Variants in DGKG observed in about 807,000 individuals in gnomAD.
DGKG encodes DAG kinase gamma.
DGKG carries 78 observed loss-of-function variants against 105.3 expected under a neutral mutation model. The ratio of observed to expected loss-of-function variants is 0.74; its 90% CI spans 0.62 to 0.89. The LOEUF is 0.89. Among genes scored for constraint, DGKG ranks in the 40% least tolerant of loss-of-function variants. The pLI is 0.00. For synonymous variants in DGKG, 346 were observed against 367.1 expected (o/e 0.94, Z 0.66); for missense variants, 958 against 1,020.1 (o/e 0.94, Z 0.83).
At chr3:186,288,611 G>T in intron 6 of DGKG, 99 bp downstream of exon 6, 1 of 1,305,106 alleles carries the variant, frequency 7.7e-7, no homozygotes, top group Non-Finnish European at 1.1e-6. Flanking sequence ...GCATATCCGT[G>T]ATATCAACTC....
intron 21 of DGKG, among the ~76,000 whole-genome samples, chr3:186,199,798 G>T (rs1397594820): frequency 6.6e-6 from 1 of 152,184 alleles, no homozygotes; most frequent in Non-Finnish European, 1.5e-5. Flanking sequence ...CAGGGTGTGA[G>T]CCACTGCGCC....
intron 24 of DGKG, chr3:186,158,962 C>A: frequency 2.6e-6 from 1 of 386,542 alleles, no homozygotes; most frequent in South Asian, 1.1e-4. Flanking sequence ...CTTTTAATTT[C>A]TTTATACCTG....
chr3:186,257,668 G>A lies in DGKG; in HGVS notation c.1510+186C>T, dbSNP rs140428351. On this transcript the variant is annotated intron_variant, in intron 17 of 24. Transcript: ENST00000265022. ...ACCTCCGTATTGGAGGGAATCATTC[G>A]ATTGTCTTATTTCTTTTTTTTTTTT... 95 of 547,710 alleles carry A rather than the reference G, an allele frequency of 1.7e-4. 1 individual carries two copies. In the Middle Eastern group the frequency reaches 3.6e-3, roughly 21 times the overall value. 33.9% of individuals were successfully genotyped at this position (547,710 alleles called of 1,614,324 possible).
intron 9 of DGKG, among the ~76,000 whole-genome samples, chr3:186,276,408 G>A (rs1722591383): frequency 6.6e-6 from 1 of 152,200 alleles, no homozygotes; most frequent in African/African-American, 2.4e-5. Context: ...GCTATAGCTG[G>A]CAGCAATATG....
intron 21 of DGKG, among the ~76,000 whole-genome samples, chr3:186,211,109 T>A (rs1169061419): frequency 1.3e-5 from 2 of 152,186 alleles, no homozygotes; most frequent in African/African-American, 4.8e-5. Context: ...CCGGAAGAGT[T>A]AGTGAAACAC....
At chr3:186,294,915 C>T (rs541703026) in intron 5 of DGKG, among the ~76,000 whole-genome samples, 1 of 152,326 alleles carries the variant, frequency 6.6e-6, no homozygotes, top group Admixed American at 6.5e-5. Flanking sequence ...GAAGGCACAG[C>T]TGCTCCTCAT....
At chr3:186,223,825 T>C (rs957310647) in intron 20 of DGKG, among the ~76,000 whole-genome samples, 6 of 152,322 alleles carry the variant, frequency 3.9e-5, no homozygotes, top group Non-Finnish European at 7.4e-5. Flanking sequence ...TATGTGAACT[T>C]GTCATCCTCA....
chr3:186,267,184 G>A (rs1014055105), intron 13 of DGKG, among the ~76,000 whole-genome samples: 25 of 152,152 alleles, frequency 1.6e-4, no homozygotes, highest in African/African-American at 5.6e-4. Context: ...CAGAGATGAG[G>A]GAGGTTGGGA....
At chr3:186,353,811 A>C (rs1218107265) in intron 1 of DGKG, among the ~76,000 whole-genome samples, 1 of 152,044 alleles carries the variant, frequency 6.6e-6, no homozygotes, top group Non-Finnish European at 1.5e-5. Flanking sequence ...ATATTTACTG[A>C]TTGAATATTG....
intron 2 of DGKG, among the ~76,000 whole-genome samples, chr3:186,307,379 A>G (rs1293033009): frequency 1.3e-5 from 2 of 152,142 alleles, no homozygotes; most frequent in Admixed American, 1.3e-4. Context: ...ACATTTCCAG[A>G]CATCCCTGAA....
At chr3:186,275,071 G>T (rs141465986) in intron 10 of DGKG, among the ~76,000 whole-genome samples, 5 of 152,218 alleles carry the variant, frequency 3.3e-5, no homozygotes, top group East Asian at 1.9e-4. Context: ...TAGGGACAAG[G>T]TTTCTCCATG....
intron 1 of DGKG, among the ~76,000 whole-genome samples, chr3:186,345,598 G>A (rs1451440024): frequency 6.6e-6 from 1 of 152,112 alleles, no homozygotes; most frequent in Admixed American, 6.5e-5. Flanking sequence ...TCTCATAATT[G>A]AACCAAGGAA....
At chr3:186,165,524 G>A (rs73066173) in intron 22 of DGKG, among the ~76,000 whole-genome samples, 21,935 of 152,236 alleles carry the variant, frequency 0.14, 1,919 homozygotes, top group Middle Eastern at 0.27. Context: ...TGGTGAGCCA[G>A]CCTCCTTGGA....
At chr3:186,247,213 C>T (rs897677879) in intron 19 of DGKG, among the ~76,000 whole-genome samples, 3 of 152,096 alleles carry the variant, frequency 2.0e-5, no homozygotes, top group South Asian at 2.1e-4. Context: ...ATGGGGCTGT[C>T]GTAGCAATGA....
chr3:186,254,514 T>C (rs1385760472), intron 17 of DGKG, among the ~76,000 whole-genome samples: 1 of 152,166 alleles, frequency 6.6e-6, no homozygotes. Context: ...TTCTTCTGTG[T>C]CCCCACCTCG....
intron 15 of DGKG, 54 bp from the exon 16 acceptor site, chr3:186,260,567 C>T: frequency 7.3e-7 from 1 of 1,368,268 alleles, no homozygotes; most frequent in Non-Finnish European, 1.0e-6. Flanking sequence ...AGGAATATGT[C>T]ATCGTGAGAA....
chr3:186,242,875 T>C (rs1422380295), intron 19 of DGKG, among the ~76,000 whole-genome samples: 4 of 152,112 alleles, frequency 2.6e-5, no homozygotes, highest in Non-Finnish European at 5.9e-5. Flanking sequence ...GGGAAAGCCT[T>C]TGCCCTCTGG....
intron 22 of DGKG, among the ~76,000 whole-genome samples, chr3:186,187,436 G>A (rs1482606323): frequency 3.3e-5 from 5 of 152,190 alleles, no homozygotes; most frequent in African/African-American, 1.2e-4. Context: ...TGGGAAGGCT[G>A]GAGTTACCAA....
chr3:186,211,939 T>G, intron 20 of DGKG, 54 bp from the exon 21 acceptor site: 1 of 1,409,878 alleles, frequency 7.1e-7, no homozygotes, highest in East Asian at 2.3e-5. Context: ...AATGCTCATG[T>G]AAAATAGCTA....
Sources: allele counts gnomAD v4.1 joint callset (sites outside exome capture counted in the v4.1 genomes callset), GRCh38; gene constraint gnomAD v4.1.1; transcripts MANE v1.5; gene names NCBI Gene and HGNC (gene_info 2026-07-23, HGNC 2026-07-21).